Variants in SRBD1 observed in about 807,000 individuals in gnomAD.
SRBD1 encodes the protein S1 RNA binding domain 1.
Under a neutral mutation model 115.3 loss-of-function variants are expected in SRBD1, and 88 were observed. The observed-to-expected ratio is 0.76, with a 90% CI of 0.64 to 0.91. The LOEUF is 0.91. Ranked by LOEUF, SRBD1 falls within the 40% of genes least tolerant of loss-of-function variation. The pLI, the probability that SRBD1 is intolerant of heterozygous loss-of-function variation, is 0.00. For synonymous variants in SRBD1, 509 were observed against 407.7 expected (o/e 1.25, Z -2.99); for missense variants, 1,385 against 1,177.4 (o/e 1.18, Z -2.58).
At chr2:45,435,039 T>C (rs1447019013) in intron 16 of SRBD1, among the ~76,000 whole-genome samples, 1 of 152,114 alleles carries the variant, frequency 6.6e-6, no homozygotes, top group Non-Finnish European at 1.5e-5. Flanking sequence ...TTTCTGTCCT[T>C]GCGATAGGTT....
At chr2:45,468,490 T>G (rs374864246) in intron 16 of SRBD1, among the ~76,000 whole-genome samples, 18 of 151,766 alleles carry the variant, frequency 1.2e-4, no homozygotes, top group African/African-American at 3.6e-4. Flanking sequence ...CGGGCCCAAG[T>G]GATCCTTTCA....
At chr2:45,448,545 C>A (rs2193836) in intron 16 of SRBD1, among the ~76,000 whole-genome samples, 14,561 of 152,116 alleles carry the variant, frequency 0.096, 1,056 homozygotes, top group African/African-American at 0.2. Flanking sequence ...CGAAATCACA[C>A]AGGCACAAGA....
rs764236386 is a variant in SRBD1 at position 45,605,338 on chromosome 2, C to A, written c.80+24G>T. ...TTAAAATATTCATCATTCCCCTACC[C>A]ACATATTAAACCAGTATGCTTACAA... On this transcript the variant is annotated intron_variant, in intron 2 of 20. Transcript: ENST00000263736. 12 of 1,590,298 alleles carry A rather than the reference C, an allele frequency of 7.5e-6. No individual in the cohort carries two copies. The Middle Eastern group carries it at 5.0e-4, about 66-fold the overall frequency.
intron 10 of SRBD1, among the ~76,000 whole-genome samples, chr2:45,557,229 G>A (rs1018458792): frequency 1.3e-5 from 2 of 152,196 alleles, no homozygotes; most frequent in African/African-American, 4.8e-5. Flanking sequence ...ACAAAGCTAT[G>A]GAGCCTGACG....
rs546014788 is a variant in SRBD1, at chr2:45,545,143, G to A, written c.1874+1589C>T. Among the ~76,000 whole-genome samples the A allele has an allele frequency of 1.6e-4, 25 of 151,946 alleles. No homozygotes were observed. In the South Asian group the frequency reaches 5.0e-3, roughly 30 times the overall value. On this transcript the variant is annotated intron_variant, in intron 14 of 20. Coordinates refer to ENST00000263736, the MANE Select transcript of SRBD1 (RefSeq NM_018079.5). ...AAAATACAAAAAATTAGCCGGGTGT[G>A]GTGGCGGGTGCCTGCAGTTCCAGCT...
At chr2:45,545,315 A>AAAAAAAAAAAAC (rs1209226372) in intron 14 of SRBD1, among the ~76,000 whole-genome samples, 24 of 123,616 alleles carry the variant, frequency 1.9e-4, no homozygotes, top group Admixed American at 5.4e-4. Context: ...AAAAAAAAAA[A>AAAAAAAAAAAAC]CAGATGAACC....
chr2:45,520,710 G>C (rs544466497), intron 14 of SRBD1, among the ~76,000 whole-genome samples: 1 of 152,300 alleles, frequency 6.6e-6, no homozygotes, highest in South Asian at 2.1e-4. Flanking sequence ...TGAACACCAA[G>C]ATGAGTTTGG....
chr2:45,476,508 G>A (rs149490088), intron 16 of SRBD1, among the ~76,000 whole-genome samples: 150 of 152,226 alleles, frequency 9.9e-4, no homozygotes, highest in African/African-American at 3.3e-3. Context: ...GTTTAGTGCT[G>A]TCTTGAATTG....
intron 17 of SRBD1, among the ~76,000 whole-genome samples, 176 bp downstream of exon 17, chr2:45,419,612 T>A (rs1015107747): frequency 1.3e-5 from 2 of 152,260 alleles, no homozygotes; most frequent in African/African-American, 4.8e-5. Context: ...TGTGAATTGT[T>A]ATAATTCTTT....
chr2:45,437,892 T>C (rs1218902601), intron 16 of SRBD1, among the ~76,000 whole-genome samples: 2 of 152,322 alleles, frequency 1.3e-5, no homozygotes, highest in Non-Finnish European at 1.5e-5. Context: ...CAATTCATAA[T>C]AGAAATAATT....
chr2:45,512,619 G>A (rs1418843263), intron 14 of SRBD1, among the ~76,000 whole-genome samples: 3 of 152,132 alleles, frequency 2.0e-5, no homozygotes, highest in Non-Finnish European at 2.9e-5. Context: ...TGTGCTTTAC[G>A]TGTAGGAGGA....
chr2:45,583,828 G>A (rs977355859), intron 5 of SRBD1, among the ~76,000 whole-genome samples: 3 of 151,992 alleles, frequency 2.0e-5, no homozygotes, highest in Non-Finnish European at 2.9e-5. Flanking sequence ...TTACTTCAAG[G>A]AATATTCACT....
chr2:45,404,870 G>A (rs539145823), intron 19 of SRBD1, among the ~76,000 whole-genome samples: 2 of 152,162 alleles, frequency 1.3e-5, no homozygotes, highest in Non-Finnish European at 2.9e-5. Context: ...TGGCTGCCTT[G>A]TTATTCCTTG....
intron 14 of SRBD1, among the ~76,000 whole-genome samples, chr2:45,538,854 TTTA>T (rs996141423): frequency 5.9e-5 from 9 of 152,312 alleles, no homozygotes; most frequent in African/African-American, 2.2e-4. Context: ...ACCAATAATT[TTTA>T]TTTTCCTCTG....
chr2:45,541,649 C>G (rs367712727), intron 14 of SRBD1, among the ~76,000 whole-genome samples: 5 of 152,244 alleles, frequency 3.3e-5, no homozygotes, highest in African/African-American at 1.2e-4. Context: ...AGTGGGTAGC[C>G]CCTTTCTGCA....
intron 19 of SRBD1, among the ~76,000 whole-genome samples, chr2:45,400,230 G>C (rs1028049300): frequency 1.3e-5 from 2 of 152,136 alleles, no homozygotes; most frequent in Non-Finnish European, 2.9e-5. Context: ...GACAAGCTAA[G>C]ATTAAAATCC....
Position 45,579,984 on chromosome 2 carries a change from C to A in SRBD1, c.963G>T (p.Gly321=), listed in dbSNP as rs369439026. The change falls in exon 7 of 21, where the codon GGG becomes GGT. Residue 321 remains glycine, a synonymous_variant. Coordinates refer to ENST00000263736, the MANE Select transcript of SRBD1 (RefSeq NM_018079.5). ...VSAPYKTGSK[G]TKAQRARQLG... Reference sequence around the variant, plus strand: ...ACTGTCTTGCTCTCTGGGCTTTAGTCCCTTTGCTTCCAGTTTTATATGGAG... The same window carrying A: ...ACTGTCTTGCTCTCTGGGCTTTAGTACCTTTGCTTCCAGTTTTATATGGAG... 2.7e-5 allele frequency: 43 copies of A among 1,590,934 alleles called. No homozygotes were observed. The African/African-American group carries it at 4.9e-4, about 18-fold the overall frequency.
chr2:45,395,143 C>T (rs1667108087), intron 19 of SRBD1, among the ~76,000 whole-genome samples: 1 of 152,190 alleles, frequency 6.6e-6, no homozygotes, highest in South Asian at 2.1e-4. Flanking sequence ...CTGGTATTCA[C>T]CTTCTTGGTT....
At chr2:45,549,222 A>C (rs1438005490) in intron 12 of SRBD1, 1 of 152,212 alleles carries the variant, frequency 6.6e-6, no homozygotes, top group African/African-American at 2.4e-5. Context: ...AAGGAAAAAG[A>C]AAGCCCAGAT....
Sources: gnomAD v4.1 joint callset for allele counts (sites outside exome capture counted in the v4.1 genomes callset) on GRCh38, gnomAD v4.1.1 for gene constraint, MANE v1.5 for transcripts, NCBI Gene and HGNC (gene_info 2026-07-23, HGNC 2026-07-21) for gene names.